WDR93: variants seen among roughly 807,000 people sequenced by gnomAD.
WDR93 encodes WD repeat domain 93.
WDR93 carries 73 observed loss-of-function variants against 82.9 expected under a neutral mutation model. That is an observed-to-expected ratio of 0.88 (90% confidence interval 0.73 to 1.07). WDR93 has a LOEUF of 1.07. Ranked by LOEUF, WDR93 falls within the 50% of genes least tolerant of loss-of-function variation. The pLI, the probability that WDR93 is intolerant of heterozygous loss-of-function variation, is 0.00. For synonymous variants in WDR93, 283 were observed against 300.1 expected (o/e 0.94, Z 0.59); for missense variants, 738 against 826.0 (o/e 0.89, Z 1.31).
intron 4 of WDR93, among the ~76,000 whole-genome samples, chr15:89,709,793 A>C (rs1187722390): frequency 3.3e-5 from 5 of 152,138 alleles, no homozygotes; most frequent in Non-Finnish European, 5.9e-5. Flanking sequence ...GTATTTACCC[A>C]AAAGAAATGA....
At chr15:89,729,603 C>T in intron 10 of WDR93, 80 bp from the exon 11 acceptor site, 1 of 1,079,870 alleles carries the variant, frequency 9.3e-7, no homozygotes, top group Non-Finnish European at 1.4e-6. Flanking sequence ...TGGGCAAACA[C>T]CTTCTGTGCA....
At chr15:89,717,048 T>A (rs1966294240) in intron 7 of WDR93, 99 bp downstream of exon 7, 12 of 456,342 alleles carry the variant, frequency 2.6e-5, no homozygotes, top group Admixed American at 5.5e-5. Flanking sequence ...TTTCTTTCTT[T>A]TTTTTTTTTT....
chr15:89,717,722 A>C (rs757708722), intron 7 of WDR93, among the ~76,000 whole-genome samples: 1 of 152,176 alleles, frequency 6.6e-6, no homozygotes, highest in Non-Finnish European at 1.5e-5. Flanking sequence ...TCCATATTAG[A>C]TGGAATTACA....
intron 1 of WDR93, among the ~76,000 whole-genome samples, chr15:89,694,151 A>C (rs995333942): frequency 1.3e-5 from 2 of 152,132 alleles, no homozygotes; most frequent in African/African-American, 4.8e-5. Context: ...AATGATGCTG[A>C]ACATCTTTTT....
intron 4 of WDR93, among the ~76,000 whole-genome samples, chr15:89,711,705 A>G (rs1398108175): frequency 2.0e-5 from 3 of 152,190 alleles, no homozygotes; most frequent in Non-Finnish European, 4.4e-5. Context: ...CATTTAGTTG[A>G]ATAATTGGAT....
chr15:89,698,046 A>AT (rs1211509689), intron 1 of WDR93, among the ~76,000 whole-genome samples: 1,524 of 145,204 alleles, frequency 0.01, 9 homozygotes, highest in Non-Finnish European at 0.017. Flanking sequence ...CGCCCGGCTG[A>AT]TTTTTTTTTT....
intron 1 of WDR93, among the ~76,000 whole-genome samples, chr15:89,692,079 C>T (rs538533647): frequency 1.3e-5 from 2 of 152,264 alleles, no homozygotes; most frequent in East Asian, 3.9e-4. Flanking sequence ...CCTGCATTCC[C>T]TGCCAGGAGC....
chr15:89,704,572 C>T (rs1965642105), intron 3 of WDR93: 1 of 152,188 alleles, frequency 6.6e-6, no homozygotes, highest in Non-Finnish European at 1.5e-5. Context: ...AGGAGAATGC[C>T]TCCCCCTTTG....
intron 1 of WDR93, 50 bp downstream of exon 1, chr15:89,690,907 C>T (rs911252700): frequency 2.3e-6 from 1 of 437,666 alleles, no homozygotes; most frequent in African/African-American, 2.0e-5. Flanking sequence ...CCTCGAGTCC[C>T]AGGACTCCCC....
chr15:89,721,561 C>T (rs142484861), intron 7 of WDR93, among the ~76,000 whole-genome samples: 2 of 152,290 alleles, frequency 1.3e-5, no homozygotes, highest in Non-Finnish European at 2.9e-5. Context: ...CTCTCACACA[C>T]ACACGCACAC....
intron 4 of WDR93, among the ~76,000 whole-genome samples, chr15:89,707,189 A>T (rs1343392855): frequency 2.0e-5 from 3 of 152,236 alleles, no homozygotes; most frequent in Non-Finnish European, 2.9e-5. Flanking sequence ...ATTAGTCATT[A>T]GGGAGGTGGA....
chr15:89,725,573 T>G (rs1041728534), intron 8 of WDR93, among the ~76,000 whole-genome samples: 1 of 150,798 alleles, frequency 6.6e-6, no homozygotes, highest in Non-Finnish European at 1.5e-5. Context: ...TTCTTTTCTT[T>G]TTTTTTTCTT....
intron 12 of WDR93, among the ~76,000 whole-genome samples, chr15:89,732,496 A>G (rs903740656): frequency 6.6e-6 from 1 of 152,234 alleles, no homozygotes; most frequent in South Asian, 2.1e-4. Context: ...TTGAACCAAC[A>G]GCATTATTAT....
intron 13 of WDR93, among the ~76,000 whole-genome samples, chr15:89,734,830 C>A (rs77238382): frequency 0.024 from 3,706 of 151,966 alleles, 163 homozygotes; most frequent in African/African-American, 0.085. Flanking sequence ...GTGAAAAGAA[C>A]AAAAATTATT....
intron 9 of WDR93, 63 bp downstream of exon 9, chr15:89,727,391 G>A: frequency 6.4e-7 from 1 of 1,560,790 alleles, no homozygotes; most frequent in Admixed American, 1.8e-5. Context: ...CTTGGCACAT[G>A]CAGGAATCAA....
chr15:89,709,189 C>G (rs1272938558), intron 4 of WDR93, among the ~76,000 whole-genome samples: 2 of 152,214 alleles, frequency 1.3e-5, no homozygotes, highest in African/African-American at 4.8e-5. Flanking sequence ...AGATGAGACA[C>G]AAGGTCAACA....
intron 7 of WDR93, among the ~76,000 whole-genome samples, chr15:89,717,542 G>A (rs925939219): frequency 1.3e-5 from 2 of 152,216 alleles, no homozygotes; most frequent in African/African-American, 2.4e-5. Flanking sequence ...TTTACCTGAA[G>A]TTAAGGGAGC....
chr15:89,720,551 G>A (rs549742672), intron 7 of WDR93, among the ~76,000 whole-genome samples: 2 of 152,326 alleles, frequency 1.3e-5, no homozygotes, highest in East Asian at 1.9e-4. Flanking sequence ...AATTATAGGC[G>A]TGAGCCACTG....
chr15:89,723,826 C>T (rs867167805), intron 8 of WDR93, among the ~76,000 whole-genome samples: 1 of 152,046 alleles, frequency 6.6e-6, no homozygotes, highest in Non-Finnish European at 1.5e-5. Context: ...TGCCTCATGT[C>T]GTACACAAAA....
Sources: gnomAD v4.1 joint callset for allele counts (sites outside exome capture counted in the v4.1 genomes callset) on GRCh38, gnomAD v4.1.1 for gene constraint, MANE v1.5 for transcripts, NCBI Gene and HGNC (gene_info 2026-07-23, HGNC 2026-07-21) for gene names.